The following FIP1L1 variants were observed in gnomAD, a reference collection of about 807,000 sequenced individuals.
FIP1L1 encodes the protein factor interacting with PAPOLA and CPSF1.
Under a neutral mutation model 84.6 loss-of-function variants are expected in FIP1L1, and 21 were observed. The ratio of observed to expected loss-of-function variants is 0.25; its 90% CI spans 0.18 to 0.36. The LOEUF is 0.36. Ranked by LOEUF, FIP1L1 falls within the 10% of genes least tolerant of loss-of-function variation. The pLI is 1.00. For synonymous variants in FIP1L1, 263 were observed against 242.3 expected, an observed-to-expected ratio of 1.09 and a Z score of -0.80; for missense variants, 526 against 751.1, an observed-to-expected ratio of 0.70 and a Z score of 3.50.
intron 15 of FIP1L1, among the ~76,000 whole-genome samples, chr4:53,448,494 T>C (rs556908223): frequency 1.3e-5 from 2 of 152,300 alleles, no homozygotes; most frequent in African/African-American, 4.8e-5. Context: ...ATAACATTTG[T>C]ATAGTACTTA....
chr4:53,381,753 C>CTTTTTTTTTTTTTTTG (rs1738081978), intron 3 of FIP1L1, among the ~76,000 whole-genome samples: 1 of 87,948 alleles, frequency 1.1e-5, no homozygotes, highest in African/African-American at 5.6e-5. Flanking sequence ...CATTTGCATT[C>CTTTTTTTTTTTTTTTG]TTTTTTTTTT....
At chr4:53,385,786 C>T (rs1740704869) in intron 5 of FIP1L1, among the ~76,000 whole-genome samples, 1 of 152,076 alleles carries the variant, frequency 6.6e-6, no homozygotes, top group Admixed American at 6.6e-5. Context: ...TATGCGTTTA[C>T]CCATTTATCA....
intron 10 of FIP1L1, among the ~76,000 whole-genome samples, chr4:53,407,997 T>G (rs1560520857): frequency 6.6e-6 from 1 of 152,230 alleles, no homozygotes; most frequent in Non-Finnish European, 1.5e-5. Flanking sequence ...CATTTACATT[T>G]AAAGCTAACA....
intron 13 of FIP1L1, among the ~76,000 whole-genome samples, chr4:53,431,627 TGTTTTC>T (rs796644408): frequency 6.6e-6 from 1 of 152,018 alleles, no homozygotes; most frequent in Non-Finnish European, 1.5e-5. Flanking sequence ...TGTTTTGTTT[TGTTTTC>T]AAATAAATAG....
intron 11 of FIP1L1, among the ~76,000 whole-genome samples, chr4:53,416,408 A>T (rs1460543755): frequency 6.6e-6 from 1 of 152,244 alleles, no homozygotes; most frequent in Non-Finnish European, 1.5e-5. Context: ...GTTTCCTAAC[A>T]TGCCTATGCC....
Position 53,382,846 on chromosome 4 carries a change from C to T in FIP1L1, c.228+511C>T, listed in dbSNP as rs1192768241. Among the ~76,000 whole-genome samples the T allele has an allele frequency of 2.6e-5, 4 of 152,244 alleles. No homozygotes were observed. In the East Asian group the frequency reaches 7.7e-4, roughly 29 times the overall value. ...AGTTGTATACAAAAAAGTATTTTGCCTATGTGATCTACTTATTTACTATGA... is the reference window on the plus strand; with the variant it reads ...AGTTGTATACAAAAAAGTATTTTGCTTATGTGATCTACTTATTTACTATGA... On this transcript the variant is annotated intron_variant, in intron 4 of 17. Transcript: ENST00000337488.
chr4:53,418,514 A>G (rs1404852850), intron 11 of FIP1L1, among the ~76,000 whole-genome samples: 1 of 152,114 alleles, frequency 6.6e-6, no homozygotes, highest in Non-Finnish European at 1.5e-5. Flanking sequence ...CAAATTTTTA[A>G]CTCTTGTGAA....
chr4:53,460,757 G>GTAAC lies in FIP1L1; in HGVS notation c.*1310_*1313dup, dbSNP rs1721874633. On this transcript the variant is annotated 3_prime_UTR_variant, in exon 18 of 18. Coordinates refer to ENST00000337488, the MANE Select transcript of FIP1L1 (RefSeq NM_030917.4). The stretch of plus-strand genomic sequence containing the variant: ...TTTTTGGAATCATATTTTCTGAGGT[G>GTAAC]TAACTGGCTTTCATTAGATGATCAT... 9 of 766,910 alleles carry GTAAC rather than the reference G, an allele frequency of 1.2e-5. No homozygotes were observed. The highest frequency in any genetic ancestry group is 1.4e-5 in the Non-Finnish European group (7 of 490,094). 47.5% of individuals were successfully genotyped at this position (766,910 alleles called of 1,614,324 possible). A position where few individuals can be genotyped will look rare whatever the true frequency, so the allele number is the denominator to read the frequency against.
intron 11 of FIP1L1, among the ~76,000 whole-genome samples, chr4:53,419,887 C>T (rs1186988334): frequency 6.6e-6 from 1 of 151,854 alleles, no homozygotes; most frequent in Non-Finnish European, 1.5e-5. Flanking sequence ...CTGAGGTGGG[C>T]GGATCACCTG....
At chr4:53,450,787 C>T (rs1366603637) in intron 15 of FIP1L1, among the ~76,000 whole-genome samples, 1 of 152,114 alleles carries the variant, frequency 6.6e-6, no homozygotes, top group Non-Finnish European at 1.5e-5. Flanking sequence ...CCTGTTCCTA[C>T]CTGTATTTCT....
At chr4:53,412,817 A>C (rs1376541513) in intron 10 of FIP1L1, among the ~76,000 whole-genome samples, 4 of 152,028 alleles carry the variant, frequency 2.6e-5, no homozygotes. Context: ...TCCTCTTCAA[A>C]CTTTTTAGGG....
At chr4:53,441,320 G>A (rs1157322195) in intron 13 of FIP1L1, among the ~76,000 whole-genome samples, 2 of 151,922 alleles carry the variant, frequency 1.3e-5, no homozygotes, top group African/African-American at 4.8e-5. Flanking sequence ...AATTCAAAAT[G>A]ACTTCAATAA....
At chr4:53,436,697 C>T (rs1403184816) in intron 13 of FIP1L1, among the ~76,000 whole-genome samples, 1 of 152,084 alleles carries the variant, frequency 6.6e-6, no homozygotes, top group East Asian at 1.9e-4. Flanking sequence ...AGTTTATAGA[C>T]AATCTGTTTA....
At chr4:53,392,684 T>C (rs1744896469) in intron 9 of FIP1L1, among the ~76,000 whole-genome samples, 1 of 152,232 alleles carries the variant, frequency 6.6e-6, no homozygotes, top group Non-Finnish European at 1.5e-5. Context: ...TGTTAGCTTC[T>C]GTATACTTCA....
At chr4:53,453,482 A>C (rs759443576) in intron 16 of FIP1L1, among the ~76,000 whole-genome samples, 19 of 152,260 alleles carry the variant, frequency 1.2e-4, no homozygotes, top group Non-Finnish European at 2.1e-4. Context: ...TTCTATTATT[A>C]TTCTATTTTT....
chr4:53,434,585 C>T (rs1369213924), intron 13 of FIP1L1, among the ~76,000 whole-genome samples: 2 of 151,914 alleles, frequency 1.3e-5, no homozygotes, highest in African/African-American at 4.8e-5. Flanking sequence ...GATTCTCCTG[C>T]CTCAGCCTCC....
chr4:53,392,625 C>T (rs935815113), intron 9 of FIP1L1, among the ~76,000 whole-genome samples: 4 of 152,138 alleles, frequency 2.6e-5, no homozygotes, highest in African/African-American at 7.2e-5. Flanking sequence ...TCATTAGCAG[C>T]AGTGCATTTT....
intron 10 of FIP1L1, 81 bp downstream of exon 10, chr4:53,399,920 C>G: frequency 1.1e-6 from 1 of 939,466 alleles, no homozygotes; most frequent in Non-Finnish European, 1.6e-6. Context: ...AGTATAAAAG[C>G]TCTGAATGTT....
intron 10 of FIP1L1, among the ~76,000 whole-genome samples, chr4:53,403,740 G>C (rs536167327): frequency 1.3e-5 from 2 of 152,322 alleles, no homozygotes; most frequent in South Asian, 4.1e-4. Context: ...GTTGGGCATT[G>C]TTGTGGAGGA....
Sources: gnomAD v4.1 joint callset for allele counts (sites outside exome capture counted in the v4.1 genomes callset) on GRCh38, gnomAD v4.1.1 for gene constraint, MANE v1.5 for transcripts, NCBI Gene and HGNC (gene_info 2026-07-23, HGNC 2026-07-21) for gene names.